Variants in CACNG2 observed in about 807,000 individuals in gnomAD.
CACNG2 encodes the protein calcium voltage-gated channel auxiliary subunit gamma 2.
In CACNG2, 3 loss-of-function variants were observed where a neutral mutation model predicts 25.9. The observed-to-expected ratio is 0.12, with a 90% CI of 0.05 to 0.30. The LOEUF is 0.30. Among genes scored for constraint, CACNG2 ranks in the 10% least tolerant of loss-of-function variants. The pLI is 1.00. For missense variants in CACNG2, 341 were observed against 432.5 expected (o/e 0.79, Z 1.88); for synonymous variants, 167 against 173.3 (o/e 0.96, Z 0.29).
At chr22:36,579,258 G>C (rs972389691) in intron 2 of CACNG2, among the ~76,000 whole-genome samples, 1 of 152,028 alleles carries the variant, frequency 6.6e-6, no homozygotes, top group Non-Finnish European at 1.5e-5. Flanking sequence ...CAAAAAATTA[G>C]CTGGGCGTGG....
intron 1 of CACNG2, among the ~76,000 whole-genome samples, chr22:36,640,570 A>G (rs1462528344): frequency 6.6e-6 from 1 of 152,150 alleles, no homozygotes; most frequent in Non-Finnish European, 1.5e-5. Context: ...CCCTTTCTGC[A>G]TCTCGGTTTC....
intron 1 of CACNG2, among the ~76,000 whole-genome samples, chr22:36,680,349 T>TACCACCATCATCACCATCATCACC (rs1569050394): frequency 1.1e-5 from 1 of 94,956 alleles, no homozygotes. Context: ...CCATCATCAC[T>TACCACCATCATCACCATCATCACC]ACCACCATCA....
chr22:36,677,605 T>C (rs1313610594), intron 1 of CACNG2, among the ~76,000 whole-genome samples: 2 of 152,248 alleles, frequency 1.3e-5, no homozygotes, highest in African/African-American at 4.8e-5. Context: ...AGATTCATTA[T>C]AACTCCATGC....
At chr22:36,605,195 C>T (rs1276772905) in intron 1 of CACNG2, among the ~76,000 whole-genome samples, 1 of 152,186 alleles carries the variant, frequency 6.6e-6, no homozygotes, top group Non-Finnish European at 1.5e-5. Context: ...CTGCCTCAGC[C>T]TCCTGAGTAG....
At chr22:36,579,331 G>C (rs1231736012) in intron 2 of CACNG2, among the ~76,000 whole-genome samples, 1 of 147,978 alleles carries the variant, frequency 6.8e-6, no homozygotes, top group Non-Finnish European at 1.5e-5. Context: ...TTGAACCCAG[G>C]AGGTGGAGGT....
At position 36,703,286 on chromosome 22, in the gene CACNG2, G is replaced by A; in HGVS notation, c.-710C>T. On this transcript the variant is annotated 5_prime_UTR_variant, in exon 1 of 4. Transcript: ENST00000300105. Reference sequence around the variant, plus strand: ...CGGCAGGGCGGGCAGGCGCGGCGGCGGCGGCGGCAGCAGGACGAGCAGCGG... The same window carrying A: ...CGGCAGGGCGGGCAGGCGCGGCGGCAGCGGCGGCAGCAGGACGAGCAGCGG... 1 of 156,726 alleles carries A rather than the reference G, an allele frequency of 6.4e-6. No homozygotes were observed. Among genetic ancestry groups the A allele is most frequent in the Non-Finnish European group, 1.4e-5 (1 of 73,198 alleles). 9.7% of individuals were successfully genotyped at this position (156,726 alleles called of 1,614,324 possible). A position where few individuals can be genotyped will look rare whatever the true frequency, so the allele number is the denominator to read the frequency against.
chr22:36,624,217 C>T (rs913899315), intron 1 of CACNG2, among the ~76,000 whole-genome samples: 1 of 152,154 alleles, frequency 6.6e-6, no homozygotes, highest in Admixed American at 6.5e-5. Context: ...TGGGAGGCAG[C>T]GGGGATGGCC....
intron 2 of CACNG2, among the ~76,000 whole-genome samples, chr22:36,582,410 C>T (rs4821504): frequency 0.86 from 125,390 of 145,830 alleles, 53,905 homozygotes; most frequent in Admixed American, 0.89. Context: ...TTCTTTCTTT[C>T]TTTTTTTTTT....
At chr22:36,624,048 A>C (rs925337809) in intron 1 of CACNG2, among the ~76,000 whole-genome samples, 1 of 152,148 alleles carries the variant, frequency 6.6e-6, no homozygotes, top group Non-Finnish European at 1.5e-5. Flanking sequence ...TCATCTCATT[A>C]ATATGCATCT....
At chr22:36,676,646 G>T (rs1569049032) in intron 1 of CACNG2, among the ~76,000 whole-genome samples, 1 of 152,164 alleles carries the variant, frequency 6.6e-6, no homozygotes, top group Non-Finnish European at 1.5e-5. Flanking sequence ...CTACAGCTTT[G>T]CTGGCTGTGG....
intron 1 of CACNG2, among the ~76,000 whole-genome samples, chr22:36,657,148 G>A (rs938119598): frequency 6.6e-6 from 1 of 152,208 alleles, no homozygotes; most frequent in Non-Finnish European, 1.5e-5. Flanking sequence ...ATGTTTGCTA[G>A]GATTGTGCTG....
chr22:36,675,040 T>C (rs1169025453), intron 1 of CACNG2, among the ~76,000 whole-genome samples: 1 of 152,154 alleles, frequency 6.6e-6, no homozygotes, highest in Non-Finnish European at 1.5e-5. Flanking sequence ...AGTGAGAAGA[T>C]TAAACGAGAT....
chr22:36,658,868 G>A (rs1016430331), intron 1 of CACNG2, among the ~76,000 whole-genome samples: 1 of 152,130 alleles, frequency 6.6e-6, no homozygotes, highest in African/African-American at 2.4e-5. Context: ...CTGGCTCCCT[G>A]CAGAGACTGA....
At chr22:36,608,640 C>T (rs958767903) in intron 1 of CACNG2, among the ~76,000 whole-genome samples, 2 of 151,662 alleles carry the variant, frequency 1.3e-5, no homozygotes, top group African/African-American at 4.8e-5. Flanking sequence ...TTAATAGGGA[C>T]TCAGGACTGA....
chr22:36,658,114 G>A (rs140593908), intron 1 of CACNG2, among the ~76,000 whole-genome samples: 135 of 152,244 alleles, frequency 8.9e-4, no homozygotes, highest in African/African-American at 2.9e-3. Flanking sequence ...GGCTGCTGAC[G>A]TTGTCTGTGG....
At chr22:36,639,431 A>G (rs1421699560) in intron 1 of CACNG2, among the ~76,000 whole-genome samples, 1 of 152,178 alleles carries the variant, frequency 6.6e-6, no homozygotes, top group Non-Finnish European at 1.5e-5. Context: ...GGGAAGTGTG[A>G]GAGCAAAGAG....
At chr22:36,613,475 C>T (rs1489382782) in intron 1 of CACNG2, among the ~76,000 whole-genome samples, 1 of 152,136 alleles carries the variant, frequency 6.6e-6, no homozygotes, top group African/African-American at 2.4e-5. Flanking sequence ...TCTTGATGTG[C>T]CGTCTTCCCT....
intron 1 of CACNG2, among the ~76,000 whole-genome samples, chr22:36,637,080 A>T (rs534908514): frequency 6.6e-6 from 1 of 152,350 alleles, no homozygotes; most frequent in East Asian, 1.9e-4. Flanking sequence ...CTGCTGTGTG[A>T]GGCTCTGGTG....
At chr22:36,590,659 T>A (rs1014292261) in intron 1 of CACNG2, among the ~76,000 whole-genome samples, 5 of 152,142 alleles carry the variant, frequency 3.3e-5, no homozygotes, top group African/African-American at 1.2e-4. Context: ...TTGCACCCAC[T>A]CTTATCCTTC....
Sources: gnomAD v4.1 joint callset for allele counts (sites outside exome capture counted in the v4.1 genomes callset) on GRCh38, gnomAD v4.1.1 for gene constraint, MANE v1.5 for transcripts, NCBI Gene and HGNC (gene_info 2026-07-23, HGNC 2026-07-21) for gene names.